Variants in CEP78 observed in about 807,000 individuals in gnomAD.
CEP78 encodes the protein centrosomal protein of 78 kDa.
CEP78 carries 76 observed loss-of-function variants against 81.2 expected under a neutral mutation model. The ratio of observed to expected loss-of-function variants is 0.94; its 90% CI spans 0.78 to 1.13. The LOEUF (loss-of-function observed/expected upper bound fraction) is 1.13, where lower values mean the gene tolerates loss of function less well. CEP78 is among the 50% of genes most tolerant of loss of function. The pLI, the probability that CEP78 is intolerant of heterozygous loss-of-function variation, is 0.00. For synonymous variants in CEP78, 293 were observed against 301.4 expected (o/e 0.97, Z 0.29); for missense variants, 918 against 846.8 (o/e 1.08, Z -1.04).
In CEP78 at chr9:78,241,677, G is replaced by GTT. The variant is rs199823711; in HGVS notation, c.500-11_500-10dup. 19 of 1,220,732 alleles carry GTT rather than the reference G, an allele frequency of 1.6e-5. No homozygotes were observed. The African/African-American group carries it at 2.1e-4, about 14-fold the overall frequency. 75.6% of individuals were successfully genotyped at this position (1,220,732 alleles called of 1,614,324 possible). A position where few individuals can be genotyped will look rare whatever the true frequency, so the allele number is the denominator to read the frequency against. ...TATGCTCTTCATCTTATTGTATGTG[G>GTT]TTTTTTTTTCCATTTTAGTTATTTG... is the stretch of plus-strand genomic sequence containing the variant. On this transcript the variant is annotated intron_variant, in intron 3 of 16. Coordinates refer to ENST00000643273, the MANE Select transcript of CEP78 (RefSeq NM_001330691.3).
rs1046136343 is a variant in CEP78 at position 78,276,656 on chromosome 9, T to C, written c.*5805T>C. ...ACCAATTAGAAAATGTATGAGGAAA[T>C]AGACTCTCATCCACAATAGCTGCGA... is the stretch of plus-strand genomic sequence containing the variant. On this transcript the variant is annotated 3_prime_UTR_variant, in exon 17 of 17. Transcript: ENST00000643273. 1 of 151,910 alleles carries C rather than the reference T, an allele frequency of 6.6e-6. No individual in the cohort carries two copies. The highest frequency in any genetic ancestry group is 2.4e-5 in the African/African-American group (1 of 41,376). The allele number at this position is 151,910 out of a possible 1,614,324, so 9.4% of individuals were successfully genotyped here. A position where few individuals can be genotyped will look rare whatever the true frequency, so the allele number is the denominator to read the frequency against.
intron 16 of CEP78, among the ~76,000 whole-genome samples, chr9:78,267,267 C>G (rs1249124389): frequency 6.6e-6 from 1 of 152,116 alleles, no homozygotes; most frequent in African/African-American, 2.4e-5. Flanking sequence ...CAAAACAAAG[C>G]CTTTAATCTC....
At chr9:78,266,938 A>C (rs777478478) in intron 16 of CEP78, 7 of 1,423,372 alleles carry the variant, frequency 4.9e-6, no homozygotes, top group Non-Finnish European at 5.5e-6. Context: ...GAACATTCTG[A>C]AAGTGATACT....
chr9:78,237,612 C>CA (rs1275118148), intron 1 of CEP78, among the ~76,000 whole-genome samples: 2 of 152,084 alleles, frequency 1.3e-5, no homozygotes, highest in Non-Finnish European at 2.9e-5. Flanking sequence ...AGGCTGGAAA[C>CA]CTTGTGGGGG....
intron 8 of CEP78, among the ~76,000 whole-genome samples, chr9:78,250,868 T>C (rs1826727059): frequency 6.6e-6 from 1 of 152,214 alleles, no homozygotes; most frequent in African/African-American, 2.4e-5. Flanking sequence ...ATAAGACGTG[T>C]ATAAATTTGT....
rs779354620 is a variant in CEP78, at chr9:78,241,710, A to G, written c.514A>G (p.Ile172Val). 5 of 1,585,990 alleles carry G rather than the reference A, an allele frequency of 3.2e-6. No individual in the cohort carries two copies. Among genetic ancestry groups the G allele is most frequent in the Non-Finnish European group, 4.3e-6 (5 of 1,158,104 alleles). The change falls in exon 4 of 17, where the codon ATA becomes GTA. Residue 172 changes from isoleucine to valine, a missense_variant. Physicochemically the swap from Ile to Val is conservative, Grantham distance 29 (BLOSUM62 3). Transcript: ENST00000643273. Reference protein sequence around the residue: ...DGGLEIICQGIKSSITLKTVN... With the variant: ...DGGLEIICQGVKSSITLKTVN... Reference sequence around the variant, plus strand: ...TTCCATTTTAGTTATTTGTCAAGGTATAAAGAGCTCTATCACTCTTAAGAC... The same window carrying G: ...TTCCATTTTAGTTATTTGTCAAGGTGTAAAGAGCTCTATCACTCTTAAGAC...
At position 78,275,110 on chromosome 9, in the gene CEP78, C is replaced by G. The variant is rs570337811; in HGVS notation, c.*4259C>G. 6.6e-6 allele frequency: 1 copy of G among 151,782 alleles called. No individual in the cohort carries two copies. Among genetic ancestry groups the G allele is most frequent in the African/African-American group, 2.4e-5 (1 of 41,316 alleles). The allele number at this position is 151,782 out of a possible 1,614,324, so 9.4% of individuals were successfully genotyped here. On this transcript the variant is annotated 3_prime_UTR_variant, in exon 17 of 17. Coordinates refer to ENST00000643273, the MANE Select transcript of CEP78 (RefSeq NM_001330691.3). ...ATTAGGAATAATTTTAGAAGGATAC[C>G]TACAACTAGAAGAGATATTTTTAAT...
intron 11 of CEP78, among the ~76,000 whole-genome samples, chr9:78,259,077 C>T (rs1406252148): frequency 1.3e-5 from 2 of 152,056 alleles, no homozygotes. Context: ...GAAAACAACC[C>T]GATGTCCATT....
intron 4 of CEP78, 101 bp downstream of exon 4, chr9:78,241,900 G>A (rs1463766338): frequency 3.3e-6 from 2 of 606,908 alleles, no homozygotes; most frequent in Non-Finnish European, 5.7e-6. Flanking sequence ...TGATACATAT[G>A]GGCATTGCAG....
chr9:78,240,331 G>T lies in CEP78; in HGVS notation c.466G>T (p.Ala156Ser), dbSNP rs751049243. ...GGCTTCTTTGGTGCACCTGTCTCTT[G>T]CAAATTGTCCAATTGGAGATGGAGG... ...KSASLVHLSL[A>S]NCPIGDGGLE... is the part of the protein sequence containing the mutation. Residue 156 changes from alanine to serine, a missense_variant, in exon 3 of 17, where the codon GCA becomes TCA. Coordinates refer to ENST00000643273, the MANE Select transcript of CEP78 (RefSeq NM_001330691.3). 1.1e-5 allele frequency: 17 copies of T among 1,593,862 alleles called. No individual in the cohort carries two copies. The East Asian group carries it at 3.8e-4, about 36-fold the overall frequency.
chr9:78,267,351 T>A (rs1483359830), intron 16 of CEP78, among the ~76,000 whole-genome samples: 1 of 151,970 alleles, frequency 6.6e-6, no homozygotes, highest in Non-Finnish European at 1.5e-5. Flanking sequence ...GGGATGGGAG[T>A]GAATAAATGG....
rs1825960281 is a variant in CEP78, at chr9:78,236,701, G to A, written c.253+98G>A. 5 of 1,437,038 alleles carry A rather than the reference G, an allele frequency of 3.5e-6. No individual in the cohort carries two copies. In the Admixed American group the frequency reaches 1.5e-4, roughly 42 times the overall value. The allele number at this position is 1,437,038 out of a possible 1,614,324, so 89.0% of individuals were successfully genotyped here. On this transcript the variant is annotated intron_variant, in intron 1 of 16. Coordinates refer to ENST00000643273, the MANE Select transcript of CEP78 (RefSeq NM_001330691.3). ...GTCGGGGTATGTGTGCAATAGAAGG[G>A]GTGTGCGGCCTGGACACTCACGAGC...
intron 11 of CEP78, among the ~76,000 whole-genome samples, chr9:78,257,980 A>G (rs895120056): frequency 6.6e-6 from 1 of 152,240 alleles, no homozygotes; most frequent in Non-Finnish European, 1.5e-5. Flanking sequence ...GAGTTACAAT[A>G]TAACTCTGCA....
At chr9:78,251,086 T>A (rs528809156) in intron 8 of CEP78, among the ~76,000 whole-genome samples, 134 of 152,366 alleles carry the variant, frequency 8.8e-4, no homozygotes, top group Admixed American at 1.7e-3. Flanking sequence ...GAAACAATTA[T>A]ATATTTAAGT....
intron 5 of CEP78, among the ~76,000 whole-genome samples, chr9:78,245,518 G>T (rs1826436147): frequency 6.6e-6 from 1 of 152,074 alleles, no homozygotes; most frequent in African/African-American, 2.4e-5. Context: ...GTGGATTAGG[G>T]TTTCAATATA....
chr9:78,257,978 A>G (rs1827116854), intron 11 of CEP78, among the ~76,000 whole-genome samples: 1 of 152,220 alleles, frequency 6.6e-6, no homozygotes, highest in Non-Finnish European at 1.5e-5. Context: ...AAGAGTTACA[A>G]TATAACTCTG....
chr9:78,258,739 C>G (rs907708159), intron 11 of CEP78, among the ~76,000 whole-genome samples: 1 of 152,084 alleles, frequency 6.6e-6, no homozygotes, highest in African/African-American at 2.4e-5. Context: ...ATCCAAGTAG[C>G]CCATAAGTAT....
At position 78,249,936 on chromosome 9, in the gene CEP78, C is replaced by T. The variant is rs1299872360; in HGVS notation, c.1069+1063C>T. On this transcript the variant is annotated intron_variant, in intron 8 of 16. Transcript: ENST00000643273. ...TACATTAAGATCACCAAACAATTAA[C>T]ACCAGATAATCTTTTATTTGGATGC... The T allele has an allele frequency of 1.4e-5, 3 of 215,974 alleles. No individual in the cohort carries two copies. In the East Asian group the frequency reaches 2.8e-4, roughly 20 times the overall value. 13.4% of individuals were successfully genotyped at this position (215,974 alleles called of 1,614,324 possible).
intron 10 of CEP78, chr9:78,254,027 T>G (rs1587583726): frequency 6.6e-6 from 1 of 152,220 alleles, no homozygotes; most frequent in Admixed American, 6.5e-5. Flanking sequence ...ACTTTTCTTT[T>G]TGATCTGTGG....
Sources: allele counts gnomAD v4.1 joint callset (sites outside exome capture counted in the v4.1 genomes callset), GRCh38; gene constraint gnomAD v4.1.1; transcripts MANE v1.5; gene names NCBI Gene and HGNC (gene_info 2026-07-23, HGNC 2026-07-21).